The following PLOD2 variants were observed in gnomAD, a reference collection of about 807,000 sequenced individuals.
PLOD2 encodes lysine hydroxylase 2.
PLOD2 carries 65 observed loss-of-function variants against 101.0 expected under a neutral mutation model. That is an observed-to-expected ratio of 0.64 (90% CI 0.53 to 0.79). The LOEUF is 0.79. Among genes scored for constraint, PLOD2 ranks in the 30% least tolerant of loss-of-function variants. The probability of loss-of-function intolerance (pLI) is 0.00; values close to 1 mark genes in which losing one functional copy is unlikely to be tolerated. For synonymous variants in PLOD2, 314 were observed against 302.9 expected, an observed-to-expected ratio of 1.04 and a Z score of -0.38; for missense variants, 909 against 914.6, an observed-to-expected ratio of 0.99 and a Z score of 0.08.
At chr3:146,097,152 A>C (rs1937218144) in intron 7 of PLOD2, among the ~76,000 whole-genome samples, 1 of 147,362 alleles carries the variant, frequency 6.8e-6, no homozygotes, top group African/African-American at 2.5e-5. Context: ...CCGCCCGGCC[A>C]GCCGCCCAGT....
intron 3 of PLOD2, among the ~76,000 whole-genome samples, chr3:146,118,475 T>C (rs374981909): frequency 5.0e-4 from 62 of 123,652 alleles, no homozygotes; most frequent in African/African-American, 1.6e-3. Flanking sequence ...ATAAAAATAT[T>C]ACTCTTATTT....
At chr3:146,093,552 AT>A (rs1434657397) in intron 7 of PLOD2, among the ~76,000 whole-genome samples, 2 of 152,196 alleles carry the variant, frequency 1.3e-5, no homozygotes, top group Non-Finnish European at 2.9e-5. Context: ...CTATGTGGAA[AT>A]GTATCCCCTA....
chr3:146,112,590 T>C (rs1937691937), intron 3 of PLOD2, among the ~76,000 whole-genome samples: 2 of 151,978 alleles, frequency 1.3e-5, no homozygotes, highest in South Asian at 4.1e-4. Flanking sequence ...CAGTGGCTCA[T>C]GCCTGCAATC....
At chr3:146,137,206 G>A (rs921017724) in intron 1 of PLOD2, among the ~76,000 whole-genome samples, 3 of 152,078 alleles carry the variant, frequency 2.0e-5, no homozygotes, top group Non-Finnish European at 4.4e-5. Flanking sequence ...AAAATAACAG[G>A]AATACAGCTC....
chr3:146,081,230 G>A (rs1936528656), intron 12 of PLOD2, among the ~76,000 whole-genome samples: 1 of 151,868 alleles, frequency 6.6e-6, no homozygotes, highest in Non-Finnish European at 1.5e-5. Flanking sequence ...TCAATCTCTA[G>A]AAGTGAAAAT....
chr3:146,142,540 G>C (rs546670485), intron 1 of PLOD2, among the ~76,000 whole-genome samples: 1 of 152,094 alleles, frequency 6.6e-6, no homozygotes, highest in South Asian at 2.1e-4. Flanking sequence ...GTACTTTCAT[G>C]TAAAGGTTGG....
intron 16 of PLOD2, 66 bp from the exon 17 acceptor site, chr3:146,072,731 A>G: frequency 1.0e-6 from 1 of 964,914 alleles, no homozygotes; most frequent in South Asian, 1.4e-5. Context: ...TAAAATAGTT[A>G]TTTTAATATG....
At chr3:146,122,985 C>G (rs1327807885) in intron 2 of PLOD2, among the ~76,000 whole-genome samples, 2 of 152,102 alleles carry the variant, frequency 1.3e-5, no homozygotes, top group Non-Finnish European at 2.9e-5. Flanking sequence ...CATTTTCCAT[C>G]TATCATAGTA....
chr3:146,107,405 G>T (rs908483983), intron 4 of PLOD2, among the ~76,000 whole-genome samples: 15 of 152,128 alleles, frequency 9.9e-5, no homozygotes, highest in African/African-American at 9.7e-5. Flanking sequence ...CAGCCAAGCT[G>T]CTATGTTTCA....
intron 1 of PLOD2, among the ~76,000 whole-genome samples, chr3:146,139,495 C>T (rs1410616641): frequency 6.6e-6 from 1 of 152,134 alleles, no homozygotes; most frequent in Non-Finnish European, 1.5e-5. Context: ...GATAAATGCT[C>T]ACCCCGGTAG....
intron 11 of PLOD2, 66 bp downstream of exon 11, chr3:146,085,103 T>C: frequency 1.3e-6 from 1 of 769,224 alleles, no homozygotes; most frequent in Non-Finnish European, 2.3e-6. Context: ...ATTACTACAG[T>C]ATGTTCACAT....
chr3:146,160,642 T>A (rs982800232), intron 1 of PLOD2: 1 of 541,056 alleles, frequency 1.8e-6, no homozygotes, highest in Non-Finnish European at 3.3e-6. Flanking sequence ...TGCAGGGAAA[T>A]TCGGGCACGC....
chr3:146,142,423 C>T (rs1364825403), intron 1 of PLOD2, among the ~76,000 whole-genome samples: 1 of 152,040 alleles, frequency 6.6e-6, no homozygotes, highest in East Asian at 1.9e-4. Flanking sequence ...CATCTCTCTG[C>T]CTATTCATTC....
chr3:146,160,306 T>G lies in PLOD2; in HGVS notation c.109+575A>C, dbSNP rs575922727. Among the ~76,000 whole-genome samples, 70 of 152,264 alleles carry G rather than the reference T, an allele frequency of 4.6e-4. 2 individuals carry two copies. The Middle Eastern group carries it at 0.037, about 81-fold the overall frequency. ...GGGGAGCAGCTGTGTGTCCACAGCT[T>G]CCCCTTCAGATCCCAAAGGAAGAAA... On this transcript the variant is annotated intron_variant, in intron 1 of 19. Transcript: ENST00000282903.
rs1209565710 is a variant in PLOD2 at position 146,136,407 on chromosome 3, A to T, written c.110-12178T>A. Among the ~76,000 whole-genome samples, 4 of 152,314 alleles carry T rather than the reference A, an allele frequency of 2.6e-5. No individual in the cohort carries two copies. In the East Asian group the frequency reaches 7.7e-4, roughly 29 times the overall value. ...CTACACCTGACCTAATGTGAGGAGG[A>T]CAGCGAAAACTTTACTTCTTGCATA... is the stretch of plus-strand genomic sequence containing the variant. On this transcript the variant is annotated intron_variant, in intron 1 of 19. Transcript: ENST00000282903.
intron 1 of PLOD2, among the ~76,000 whole-genome samples, chr3:146,153,306 T>C (rs1488917014): frequency 6.6e-6 from 1 of 152,210 alleles, no homozygotes. Flanking sequence ...GCAGAATTTT[T>C]AAAGATGAGA....
chr3:146,155,726 AAAAAAAG>A (rs1318300022), intron 1 of PLOD2, among the ~76,000 whole-genome samples: 5 of 151,544 alleles, frequency 3.3e-5, no homozygotes, highest in Non-Finnish European at 5.9e-5. Flanking sequence ...AAAAAAAAAA[AAAAAAAG>A]AAAAAAGAAA....
chr3:146,129,038 A>G (rs1255021833), intron 1 of PLOD2, among the ~76,000 whole-genome samples: 2 of 151,792 alleles, frequency 1.3e-5, no homozygotes, highest in African/African-American at 4.8e-5. Context: ...CTTAATTTTA[A>G]ACTGGCAACA....
intron 1 of PLOD2, among the ~76,000 whole-genome samples, chr3:146,159,429 GA>G (rs1406740116): frequency 6.6e-6 from 1 of 152,114 alleles, no homozygotes; most frequent in African/African-American, 2.4e-5. Flanking sequence ...CAATGAAGTG[GA>G]ATAAAATATA....
Sources: gnomAD v4.1 joint callset for allele counts (sites outside exome capture counted in the v4.1 genomes callset) on GRCh38, gnomAD v4.1.1 for gene constraint, MANE v1.5 for transcripts, NCBI Gene and HGNC (gene_info 2026-07-23, HGNC 2026-07-21) for gene names.